FHIT: variants seen among roughly 807,000 people sequenced by gnomAD.
The protein encoded by FHIT is bis(5'-adenosyl)-triphosphatase.
FHIT carries 19 observed loss-of-function variants against 17.9 expected under a neutral mutation model. That is an observed-to-expected ratio of 1.06 (90% CI 0.74 to 1.56). FHIT has a LOEUF of 1.56. Among genes scored for constraint, FHIT ranks in the 40% most tolerant of loss-of-function variants. The pLI, the probability that FHIT is intolerant of heterozygous loss-of-function variation, is 0.00. For synonymous variants in FHIT, 81 were observed against 69.7 expected (o/e 1.16, Z -0.81); for missense variants, 248 against 189.2 (o/e 1.31, Z -1.82).
chr3:61,179,733 A>AC (rs1272229977), intron 2 of FHIT, among the ~76,000 whole-genome samples: 1 of 146,742 alleles, frequency 6.8e-6, no homozygotes, highest in African/African-American at 2.5e-5. Flanking sequence ...AAAAAAAAAA[A>AC]CCACCCAAAA....
intron 3 of FHIT, among the ~76,000 whole-genome samples, chr3:60,889,733 T>G (rs1002393686): frequency 6.6e-6 from 1 of 152,110 alleles, no homozygotes; most frequent in Non-Finnish European, 1.5e-5. Context: ...AAAATAAATA[T>G]TGACAGAAAT....
intron 4 of FHIT, among the ~76,000 whole-genome samples, chr3:60,648,745 G>A (rs373034818): frequency 2.6e-5 from 4 of 152,178 alleles, no homozygotes; most frequent in Non-Finnish European, 5.9e-5. Context: ...AAAAAGGAGC[G>A]AGTCAGAACT....
intron 4 of FHIT, among the ~76,000 whole-genome samples, chr3:60,723,221 T>C (rs2041847334): frequency 6.6e-6 from 1 of 152,134 alleles, no homozygotes; most frequent in African/African-American, 2.4e-5. Context: ...AATACAGAAA[T>C]TTGGAACCTG....
chr3:60,103,222 C>T (rs1331225952), intron 5 of FHIT, among the ~76,000 whole-genome samples: 1 of 152,146 alleles, frequency 6.6e-6, no homozygotes, highest in Non-Finnish European at 1.5e-5. Context: ...ACTTGATAAA[C>T]ACATTGTATA....
At chr3:59,917,385 G>A (rs758484269) in intron 8 of FHIT, among the ~76,000 whole-genome samples, 1 of 152,194 alleles carries the variant, frequency 6.6e-6, no homozygotes, top group African/African-American at 2.4e-5. Flanking sequence ...ATGAGAGTTG[G>A]TTATTTGGGA....
chr3:60,490,266 G>C lies in FHIT; in HGVS notation c.103+46594C>G, dbSNP rs367575742. 1.1e-4 allele frequency among the ~76,000 whole-genome samples: 17 copies of C among 151,976 alleles called. No individual in the cohort carries two copies. In the East Asian group the frequency reaches 2.7e-3, roughly 24 times the overall value. On this transcript the variant is annotated intron_variant, in intron 5 of 9. Coordinates refer to ENST00000492590, the MANE Select transcript of FHIT (RefSeq NM_002012.4). ...TTTTCATAACATCTAGTAGAAGGTA[G>C]TTAAAAAGATGTTACATTAGACATC...
At chr3:60,967,448 C>A (rs893472232) in intron 3 of FHIT, among the ~76,000 whole-genome samples, 10 of 152,082 alleles carry the variant, frequency 6.6e-5, no homozygotes, top group African/African-American at 2.4e-4. Context: ...AATATTTACA[C>A]TTGGATTTTG....
chr3:60,088,796 A>G (rs1703608449), intron 5 of FHIT, among the ~76,000 whole-genome samples: 2 of 152,326 alleles, frequency 1.3e-5, no homozygotes, highest in South Asian at 4.1e-4. Context: ...TAATTGGATA[A>G]GAAACTTGGC....
At chr3:60,395,242 G>A (rs771220168) in intron 5 of FHIT, among the ~76,000 whole-genome samples, 5 of 152,130 alleles carry the variant, frequency 3.3e-5, no homozygotes, top group African/African-American at 4.8e-5. Context: ...ATATCATCAT[G>A]ATCATTGTTT....
chr3:60,139,083 C>G (rs1053273293), intron 5 of FHIT, among the ~76,000 whole-genome samples: 3 of 152,174 alleles, frequency 2.0e-5, no homozygotes, highest in Non-Finnish European at 2.9e-5. Context: ...GCTTCAGTCT[C>G]AATTCTGTCT....
intron 5 of FHIT, among the ~76,000 whole-genome samples, chr3:60,042,051 C>T (rs1287632301): frequency 6.6e-6 from 1 of 152,176 alleles, no homozygotes; most frequent in East Asian, 1.9e-4. Context: ...AGAACACTCT[C>T]AGACGAAGGC....
intron 8 of FHIT, among the ~76,000 whole-genome samples, chr3:59,886,737 A>G (rs567461750): frequency 1.3e-5 from 2 of 152,262 alleles, no homozygotes; most frequent in South Asian, 4.2e-4. Context: ...CCCACTTCCA[A>G]TATTGGGGAT....
Position 59,999,471 on chromosome 3 carries a change from G to A in FHIT, c.279+11900C>T, listed in dbSNP as rs114027468. ...ATGTGATGAGTATTGCAGATATGCA[G>A]AGGCACTTTAGAAACTGTTTACTCA... is the stretch of plus-strand genomic sequence containing the variant. On this transcript the variant is annotated intron_variant, in intron 7 of 9. Coordinates refer to ENST00000492590, the MANE Select transcript of FHIT (RefSeq NM_002012.4). 1.8e-3 allele frequency among the ~76,000 whole-genome samples: 277 copies of A among 152,226 alleles called. 2 individuals carry two copies. The highest frequency in any genetic ancestry group is 5.6e-3 in the African/African-American group (233 of 41,542).
intron 5 of FHIT, among the ~76,000 whole-genome samples, chr3:60,041,552 C>T (rs1445972134): frequency 6.6e-6 from 1 of 152,188 alleles, no homozygotes; most frequent in Non-Finnish European, 1.5e-5. Context: ...AGGATCAGAA[C>T]ATGCCTGCAA....
At chr3:59,891,332 G>C (rs981255298) in intron 8 of FHIT, among the ~76,000 whole-genome samples, 2 of 152,184 alleles carry the variant, frequency 1.3e-5, no homozygotes, top group Non-Finnish European at 2.9e-5. Flanking sequence ...ATGGAAAAGG[G>C]AGTGGTTTAT....
chr3:61,169,061 A>G (rs1243575744), intron 2 of FHIT, among the ~76,000 whole-genome samples: 1 of 152,244 alleles, frequency 6.6e-6, no homozygotes, highest in Non-Finnish European at 1.5e-5. Context: ...CACCTAAGTC[A>G]AAGATGGCCT....
chr3:60,106,786 G>A lies in FHIT; in HGVS notation c.104-92634C>T, dbSNP rs907229114. ...ACAATATTGATGGACGGCAGGAAAC[G>A]TCCAGTATCTGGGCTCTGAAGAACC... On this transcript the variant is annotated intron_variant, in intron 5 of 9. Transcript: ENST00000492590. Among the ~76,000 whole-genome samples the A allele has an allele frequency of 6.6e-5, 10 of 152,288 alleles. No homozygotes were observed. The South Asian group carries it at 8.3e-4, about 13-fold the overall frequency.
chr3:60,652,578 A>C (rs1317203803), intron 4 of FHIT, among the ~76,000 whole-genome samples: 1 of 152,020 alleles, frequency 6.6e-6, no homozygotes, highest in Non-Finnish European at 1.5e-5. Context: ...CTAAAAATAC[A>C]ATTAGTCAGG....
In FHIT at chr3:59,748,580, C is replaced by T. The variant is rs1379154018; in HGVS notation, c.*1005G>A. 6.6e-6 allele frequency among the ~76,000 whole-genome samples: 1 copy of T among 151,850 alleles called. No homozygotes were observed. The highest frequency in any genetic ancestry group is 1.5e-5 in the Non-Finnish European group (1 of 67,954). ...CCAGCAGGCGAGGAGGTGGGAGGTC[C>T]TCAAGGCAGAAATAGGCCAGTAGAT... On this transcript the variant is annotated 3_prime_UTR_variant, in exon 10 of 10. Coordinates refer to ENST00000492590, the MANE Select transcript of FHIT (RefSeq NM_002012.4).
Sources: allele counts gnomAD v4.1 joint callset (sites outside exome capture counted in the v4.1 genomes callset), GRCh38; gene constraint gnomAD v4.1.1; transcripts MANE v1.5; gene names NCBI Gene and HGNC (gene_info 2026-07-23, HGNC 2026-07-21).